Variants in UBTD2 observed in about 807,000 individuals in gnomAD.
UBTD2 encodes the protein ubiquitin domain containing 2.
In UBTD2, 9 loss-of-function variants were observed where a neutral mutation model predicts 19.8. The ratio of observed to expected loss-of-function variants is 0.46; its 90% confidence interval spans 0.27 to 0.79. The LOEUF is 0.79. Among genes scored for constraint, UBTD2 ranks in the 30% least tolerant of loss-of-function variants. The pLI is 0.14. For missense variants in UBTD2, 250 were observed against 300.4 expected, an observed-to-expected ratio of 0.83 and a Z score of 1.24; for synonymous variants, 98 against 103.9, an observed-to-expected ratio of 0.94 and a Z score of 0.35.
At position 172,226,084 on chromosome 5, in the gene UBTD2, G is replaced by A. The variant is rs555791276; in HGVS notation, c.307+8038C>T. On this transcript the variant is annotated intron_variant, in intron 2 of 2. Transcript: ENST00000393792. ...TCCCAAAGTAGCTGGGACCACAGGCGCCTGCCACCAACCCTGGCAAATTTT... is the reference window on the plus strand; with the variant it reads ...TCCCAAAGTAGCTGGGACCACAGGCACCTGCCACCAACCCTGGCAAATTTT... Among the ~76,000 whole-genome samples the A allele has an allele frequency of 1.1e-4, 17 of 152,014 alleles. No individual in the cohort carries two copies. In the South Asian group the frequency reaches 2.9e-3, roughly 26 times the overall value.
At chr5:172,235,033 A>C (rs1256016830) in intron 1 of UBTD2, among the ~76,000 whole-genome samples, 1 of 152,188 alleles carries the variant, frequency 6.6e-6, no homozygotes, top group Non-Finnish European at 1.5e-5. Context: ...AGTACATAGG[A>C]AATCTCTGTA....
At chr5:172,262,537 C>T (rs1033580210) in intron 1 of UBTD2, among the ~76,000 whole-genome samples, 1 of 146,502 alleles carries the variant, frequency 6.8e-6, no homozygotes, top group Non-Finnish European at 1.5e-5. Flanking sequence ...AACAGCCAGG[C>T]ATGGTGGCTC....
At chr5:172,230,492 T>C (rs1010213700) in intron 2 of UBTD2, among the ~76,000 whole-genome samples, 3 of 151,450 alleles carry the variant, frequency 2.0e-5, no homozygotes, top group African/African-American at 7.3e-5. Context: ...ATCAGCAACT[T>C]ACATGTATTA....
intron 1 of UBTD2, among the ~76,000 whole-genome samples, chr5:172,270,350 ATT>A (rs758440849): frequency 3.0e-5 from 3 of 98,754 alleles, no homozygotes; most frequent in Non-Finnish European, 3.8e-5. Context: ...GAATTTTAGA[ATT>A]TTTTTTTTTT....
rs557534217 is a variant in UBTD2, at chr5:172,235,670, G to C, written c.71-1312C>G. Among the ~76,000 whole-genome samples, 8 of 152,268 alleles carry C rather than the reference G, an allele frequency of 5.3e-5. No individual in the cohort carries two copies. In the South Asian group the frequency reaches 1.0e-3, roughly 20 times the overall value. On this transcript the variant is annotated intron_variant, in intron 1 of 2. Transcript: ENST00000393792. ...GTAGCGCTGGAATAAGCCTGATGCA[G>C]CATCCTTGCACCCAGATAACCATCT...
chr5:172,252,571 T>A (rs187222258), intron 1 of UBTD2: 16 of 152,310 alleles, frequency 1.1e-4, no homozygotes, highest in Non-Finnish European at 1.9e-4. Flanking sequence ...GAGACCACGA[T>A]CAAGGGAAGG....
At chr5:172,230,642 G>GT (rs1771870227) in intron 2 of UBTD2, among the ~76,000 whole-genome samples, 1 of 152,168 alleles carries the variant, frequency 6.6e-6, no homozygotes, top group Admixed American at 6.6e-5. Context: ...AGGGACAGAA[G>GT]TAAGACCAGA....
At chr5:172,249,997 T>C (rs1754960823) in intron 1 of UBTD2, among the ~76,000 whole-genome samples, 1 of 152,012 alleles carries the variant, frequency 6.6e-6, no homozygotes, top group South Asian at 2.1e-4. Flanking sequence ...CCAAGGTGGG[T>C]TGATCATCTG....
chr5:172,277,301 T>C (rs1329963460), intron 1 of UBTD2, among the ~76,000 whole-genome samples: 3 of 152,158 alleles, frequency 2.0e-5, no homozygotes, highest in Admixed American at 2.0e-4. Context: ...TGCAAATTAT[T>C]GGCTATAGAT....
intron 2 of UBTD2, among the ~76,000 whole-genome samples, chr5:172,230,490 C>T (rs906687554): frequency 6.6e-6 from 1 of 151,696 alleles, no homozygotes; most frequent in Non-Finnish European, 1.5e-5. Flanking sequence ...TGATCAGCAA[C>T]TTACATGTAT....
chr5:172,257,178 T>G (rs557821539), intron 1 of UBTD2, among the ~76,000 whole-genome samples: 77 of 152,332 alleles, frequency 5.1e-4, no homozygotes, highest in African/African-American at 1.7e-3. Flanking sequence ...GACTACTGTT[T>G]CCTTGCGTTT....
intron 1 of UBTD2, among the ~76,000 whole-genome samples, chr5:172,248,107 A>G (rs558736267): frequency 2.0e-5 from 3 of 152,340 alleles, no homozygotes; most frequent in South Asian, 2.1e-4. Flanking sequence ...AGAAAATACA[A>G]TGAGATGAAT....
At chr5:172,229,607 T>C (rs1337061650) in intron 2 of UBTD2, among the ~76,000 whole-genome samples, 1 of 151,752 alleles carries the variant, frequency 6.6e-6, no homozygotes, top group African/African-American at 2.4e-5. Flanking sequence ...TATGAGATAA[T>C]TGTAGATGCT....
chr5:172,219,615 T>A (rs558184981), intron 2 of UBTD2, among the ~76,000 whole-genome samples: 28 of 152,190 alleles, frequency 1.8e-4, no homozygotes, highest in Admixed American at 1.0e-3. Flanking sequence ...AAAGAAGCCA[T>A]AAAGTACTTT....
intron 1 of UBTD2, among the ~76,000 whole-genome samples, chr5:172,237,324 C>T (rs571039328): frequency 1.6e-4 from 24 of 152,246 alleles, no homozygotes; most frequent in African/African-American, 5.8e-4. Context: ...AATTTCTTGA[C>T]TTCATGATCC....
chr5:172,280,223 A>AAGT (rs35982397), intron 1 of UBTD2, among the ~76,000 whole-genome samples: 49,454 of 150,990 alleles, frequency 0.33, 8,175 homozygotes, highest in South Asian at 0.42. Context: ...TTAAAAAAAA[A>AAGT]AGGCTGGGCA....
intron 2 of UBTD2, among the ~76,000 whole-genome samples, chr5:172,215,559 G>C (rs1771525027): frequency 6.6e-6 from 1 of 152,114 alleles, no homozygotes; most frequent in Non-Finnish European, 1.5e-5. Context: ...AAAATTACAA[G>C]ATGTACCAAA....
intron 1 of UBTD2, among the ~76,000 whole-genome samples, chr5:172,251,437 T>A (rs551261143): frequency 4.8e-4 from 61 of 126,884 alleles, no homozygotes; most frequent in Admixed American, 1.4e-3. Context: ...CAAACAACAC[T>A]GCCCCAAGAC....
intron 1 of UBTD2, among the ~76,000 whole-genome samples, chr5:172,253,601 G>A (rs376294025): frequency 2.0e-5 from 3 of 151,806 alleles, no homozygotes; most frequent in East Asian, 3.9e-4. Context: ...TTACAGGCAC[G>A]CGCCACCACG....
Sources: allele counts gnomAD v4.1 joint callset (sites outside exome capture counted in the v4.1 genomes callset), GRCh38; gene constraint gnomAD v4.1.1; transcripts MANE v1.5; gene names NCBI Gene and HGNC (gene_info 2026-07-23, HGNC 2026-07-21).